The following SYT1 variants were observed in gnomAD, a reference collection of about 807,000 sequenced individuals.
SYT1 encodes the protein synaptotagmin 1, also known as synaptotagmin-1.
Under a neutral mutation model 44.8 loss-of-function variants are expected in SYT1, and 8 were observed. The ratio of observed to expected loss-of-function variants is 0.18; its 90% CI spans 0.10 to 0.32. The LOEUF is 0.32. SYT1 is among the 10% of genes least tolerant of loss of function. The probability of loss-of-function intolerance (pLI) is 1.00; values close to 1 mark genes in which losing one functional copy is unlikely to be tolerated. For missense variants in SYT1, 286 were observed against 509.3 expected (o/e 0.56, Z 4.22); for synonymous variants, 154 against 188.8 (o/e 0.82, Z 1.51).
At chr12:79,048,900 A>G (rs1237672402) in intron 3 of SYT1, among the ~76,000 whole-genome samples, 1 of 151,980 alleles carries the variant, frequency 6.6e-6, no homozygotes, top group Non-Finnish European at 1.5e-5. Flanking sequence ...TCATTCAGCC[A>G]AAACAAACCT....
At chr12:78,913,681 T>G (rs977266862) in intron 1 of SYT1, among the ~76,000 whole-genome samples, 2 of 151,994 alleles carry the variant, frequency 1.3e-5, no homozygotes, top group African/African-American at 2.4e-5. Flanking sequence ...AATCAGATTC[T>G]TTACAACTTT....
intron 4 of SYT1, among the ~76,000 whole-genome samples, chr12:79,239,066 G>A (rs1330163712): frequency 2.0e-5 from 3 of 152,142 alleles, no homozygotes; most frequent in Non-Finnish European, 2.9e-5. Context: ...TATTTTGTAT[G>A]TACTGCTCCT....
At chr12:79,419,405 C>T (rs1174094786) in intron 9 of SYT1, 1 of 406,068 alleles carries the variant, frequency 2.5e-6, no homozygotes, top group Non-Finnish European at 5.1e-6. Context: ...GGTAAGCTCA[C>T]AGTATCCGGC....
intron 2 of SYT1, among the ~76,000 whole-genome samples, chr12:78,985,846 CG>C (rs1035109222): frequency 6.6e-6 from 1 of 151,870 alleles, no homozygotes; most frequent in African/African-American, 2.4e-5. Flanking sequence ...CAATTTCAAA[CG>C]GTATTCATCC....
intron 3 of SYT1, among the ~76,000 whole-genome samples, chr12:79,190,600 A>G (rs1565847523): frequency 6.6e-6 from 1 of 152,146 alleles, no homozygotes; most frequent in Non-Finnish European, 1.5e-5. Context: ...AAGAAACATC[A>G]GTGTTTCATT....
chr12:79,249,035 G>A (rs546033236), intron 4 of SYT1, among the ~76,000 whole-genome samples: 1 of 142,152 alleles, frequency 7.0e-6, no homozygotes, highest in Non-Finnish European at 1.5e-5. Flanking sequence ...CCGGCTTAGA[G>A]TTGTTGAAGG....
intron 9 of SYT1, among the ~76,000 whole-genome samples, chr12:79,388,250 A>T (rs1478817765): frequency 1.3e-5 from 2 of 152,198 alleles, no homozygotes; most frequent in Non-Finnish European, 1.5e-5. Context: ...ATAGTTTTCT[A>T]GTTCCTTGGT....
At chr12:79,132,232 C>T (rs780027736) in intron 3 of SYT1, among the ~76,000 whole-genome samples, 7 of 152,100 alleles carry the variant, frequency 4.6e-5, no homozygotes, top group Admixed American at 2.0e-4. Flanking sequence ...GGGTGGATCA[C>T]GAGGTCAGAA....
intron 2 of SYT1, among the ~76,000 whole-genome samples, chr12:79,041,726 G>A (rs991381558): frequency 1.3e-5 from 2 of 151,142 alleles, no homozygotes; most frequent in African/African-American, 4.8e-5. Context: ...AATGCTTCCA[G>A]TTTTTGCCCA....
At chr12:79,028,785 T>A (rs750996866) in intron 2 of SYT1, among the ~76,000 whole-genome samples, 22 of 151,298 alleles carry the variant, frequency 1.5e-4, no homozygotes, top group Non-Finnish European at 1.5e-4. Flanking sequence ...AGTATTATAG[T>A]TGTATAATTG....
intron 3 of SYT1, among the ~76,000 whole-genome samples, chr12:79,145,990 C>T (rs1869883537): frequency 6.6e-6 from 1 of 152,032 alleles, no homozygotes; most frequent in African/African-American, 2.4e-5. Flanking sequence ...ATCTCCTGAC[C>T]TCGTGATCCG....
At chr12:79,266,800 T>C (rs1299799528) in intron 4 of SYT1, among the ~76,000 whole-genome samples, 2 of 152,164 alleles carry the variant, frequency 1.3e-5, no homozygotes, top group Admixed American at 1.3e-4. Flanking sequence ...GGAGGAAAAT[T>C]AATAAGCTTG....
intron 1 of SYT1, among the ~76,000 whole-genome samples, chr12:78,909,295 A>G (rs534461490): frequency 1.7e-4 from 26 of 152,024 alleles, no homozygotes; most frequent in South Asian, 1.7e-3. Flanking sequence ...AAAACATCTC[A>G]GGGTGAGTTA....
intron 3 of SYT1, among the ~76,000 whole-genome samples, chr12:79,065,630 A>T (rs1377987765): frequency 1.3e-5 from 2 of 152,300 alleles, no homozygotes; most frequent in East Asian, 3.9e-4. Context: ...AAAAAAAGTC[A>T]AGGATGATTT....
At chr12:78,888,837 G>T (rs900065478) in intron 1 of SYT1, among the ~76,000 whole-genome samples, 1 of 151,822 alleles carries the variant, frequency 6.6e-6, no homozygotes, top group Admixed American at 6.6e-5. Flanking sequence ...TTACTTTGGA[G>T]CGCAAGGTTC....
At chr12:78,944,544 T>G (rs1007449921) in intron 1 of SYT1, among the ~76,000 whole-genome samples, 2 of 152,068 alleles carry the variant, frequency 1.3e-5, no homozygotes, top group African/African-American at 4.8e-5. Flanking sequence ...ATGCAGTTAT[T>G]AAAAACTCCC....
intron 1 of SYT1, among the ~76,000 whole-genome samples, chr12:78,963,484 C>T (rs1008982467): frequency 6.6e-6 from 1 of 151,874 alleles, no homozygotes; most frequent in Non-Finnish European, 1.5e-5. Context: ...ACACTGACAA[C>T]CCAATTTAAA....
intron 3 of SYT1, among the ~76,000 whole-genome samples, chr12:79,156,057 T>C (rs1316206350): frequency 6.6e-6 from 1 of 152,246 alleles, no homozygotes; most frequent in Non-Finnish European, 1.5e-5. Context: ...ATTGTATATC[T>C]ATCAAGTACC....
intron 3 of SYT1, among the ~76,000 whole-genome samples, chr12:79,089,136 G>T (rs1158215803): frequency 6.6e-6 from 1 of 152,038 alleles, no homozygotes; most frequent in African/African-American, 2.4e-5. Flanking sequence ...AAGATCCAAG[G>T]TGAGAAATGG....
Sources: allele counts gnomAD v4.1 joint callset (sites outside exome capture counted in the v4.1 genomes callset), GRCh38; gene constraint gnomAD v4.1.1; transcripts MANE v1.5; gene names NCBI Gene and HGNC (gene_info 2026-07-23, HGNC 2026-07-21).